Variants in HPSE2 observed in about 807,000 individuals in gnomAD.
HPSE2 encodes heparanase 2 (inactive).
A neutral mutation model predicts 60.5 loss-of-function variants in HPSE2; 38 were observed. The observed-to-expected ratio is 0.63, with a 90% CI of 0.48 to 0.82. HPSE2 has a LOEUF of 0.82. Ranked by LOEUF, HPSE2 falls within the 40% of genes least tolerant of loss-of-function variation. The probability of loss-of-function intolerance (pLI) is 0.00; values close to 1 mark genes in which losing one functional copy is unlikely to be tolerated. For missense variants in HPSE2, 713 were observed against 740.4 expected, an observed-to-expected ratio of 0.96 and a Z score of 0.43; for synonymous variants, 295 against 293.2, an observed-to-expected ratio of 1.01 and a Z score of -0.06.
intron 3 of HPSE2, among the ~76,000 whole-genome samples, chr10:98,966,360 A>G (rs1179114708): frequency 6.6e-6 from 1 of 152,210 alleles, no homozygotes; most frequent in Non-Finnish European, 1.5e-5. Flanking sequence ...AAAAGAGATC[A>G]GGTAGAGAGA....
At chr10:98,875,366 A>G (rs930313235) in intron 3 of HPSE2, among the ~76,000 whole-genome samples, 2 of 152,152 alleles carry the variant, frequency 1.3e-5, no homozygotes, top group African/African-American at 4.8e-5. Flanking sequence ...CTCCACAGAA[A>G]TACAAACTAC....
chr10:98,801,786 C>G (rs1418958936), intron 3 of HPSE2, among the ~76,000 whole-genome samples: 1 of 152,110 alleles, frequency 6.6e-6, no homozygotes, highest in African/African-American at 2.4e-5. Flanking sequence ...TCTACAGATT[C>G]AATGCAATCC....
At chr10:99,266,037 G>A in the HPSE2 span, among the ~76,000 whole-genome samples, 1 of 152,208 alleles carries the variant, frequency 6.6e-6, no homozygotes, top group Non-Finnish European at 1.5e-5. Flanking sequence ...TCTTGGGGAG[G>A]GCTACCAGAG....
chr10:98,971,514 GTAT>G (rs1955952962), intron 3 of HPSE2, among the ~76,000 whole-genome samples: 3 of 152,052 alleles, frequency 2.0e-5, no homozygotes, highest in Admixed American at 6.6e-5. Flanking sequence ...TTATAAATGT[GTAT>G]TATTATCTGA....
chr10:98,564,597 A>G (rs921160118), intron 9 of HPSE2, among the ~76,000 whole-genome samples: 2 of 152,228 alleles, frequency 1.3e-5, no homozygotes, highest in African/African-American at 4.8e-5. Flanking sequence ...TCACAGCACA[A>G]AGCAATTTTT....
At chr10:98,561,125 G>C (rs1196011366) in intron 9 of HPSE2, among the ~76,000 whole-genome samples, 2 of 151,622 alleles carry the variant, frequency 1.3e-5, no homozygotes, top group Non-Finnish European at 2.9e-5. Context: ...AGGGGGACAA[G>C]ATGTGGAGGT....
intron 9 of HPSE2, among the ~76,000 whole-genome samples, chr10:98,490,900 G>A (rs754423136): frequency 1.3e-5 from 2 of 152,252 alleles, no homozygotes; most frequent in Non-Finnish European, 2.9e-5. Flanking sequence ...ACATTTATAT[G>A]AGCTTACAAA....
the HPSE2 span, among the ~76,000 whole-genome samples, chr10:99,296,518 G>A: frequency 9.2e-5 from 14 of 152,364 alleles, no homozygotes; most frequent in African/African-American, 3.4e-4. Context: ...GCCCTGAGCT[G>A]CTACTCTCTT....
At chr10:99,049,985 T>C (rs1020930205) in intron 3 of HPSE2, among the ~76,000 whole-genome samples, 7 of 152,082 alleles carry the variant, frequency 4.6e-5, no homozygotes, top group Admixed American at 6.5e-5. Context: ...CATGAAAATA[T>C]AGAGAACATC....
At chr10:98,696,908 A>T (rs2134178849) in intron 5 of HPSE2, among the ~76,000 whole-genome samples, 1 of 152,290 alleles carries the variant, frequency 6.6e-6, no homozygotes, top group East Asian at 1.9e-4. Flanking sequence ...TAGAACAGGG[A>T]CCTGACCACT....
the HPSE2 span, among the ~76,000 whole-genome samples, chr10:99,243,912 G>A: frequency 6.6e-6 from 1 of 152,000 alleles, no homozygotes; most frequent in Non-Finnish European, 1.5e-5. Context: ...CTCCAGCTTG[G>A]GCAACAGAGA....
intron 5 of HPSE2, among the ~76,000 whole-genome samples, chr10:98,698,903 A>C (rs1203591537): frequency 2.0e-5 from 3 of 152,338 alleles, no homozygotes; most frequent in South Asian, 2.1e-4. Context: ...GAAATGGATA[A>C]ATTCCTCCAC....
chr10:98,704,062 A>T (rs1458881620), intron 5 of HPSE2, among the ~76,000 whole-genome samples: 1 of 152,208 alleles, frequency 6.6e-6, no homozygotes, highest in Admixed American at 6.5e-5. Flanking sequence ...AAACAACTTC[A>T]GCAAAGTCTC....
intron 2 of HPSE2, among the ~76,000 whole-genome samples, chr10:99,156,964 A>G (rs1027428490): frequency 1.1e-3 from 145 of 136,386 alleles, no homozygotes; most frequent in Middle Eastern, 7.2e-3. Flanking sequence ...ATAACAGACA[A>G]ACAGAGAGGC....
chr10:98,736,216 T>TTC (rs978113847), intron 4 of HPSE2, among the ~76,000 whole-genome samples: 2 of 151,306 alleles, frequency 1.3e-5, no homozygotes, highest in East Asian at 3.9e-4. Context: ...TTGCTTGGTT[T>TTC]TTTTTTTTAT....
chr10:98,614,876 G>A (rs1945860621), intron 9 of HPSE2, 28 bp downstream of exon 9: 1 of 1,405,794 alleles, frequency 7.1e-7, no homozygotes, highest in African/African-American at 1.4e-5. Flanking sequence ...CATGGAAAAG[G>A]GATTGGGAAT....
At chr10:99,207,890 TATA>T (rs1431015698) in intron 2 of HPSE2, among the ~76,000 whole-genome samples, 2 of 151,708 alleles carry the variant, frequency 1.3e-5, no homozygotes, top group Non-Finnish European at 2.9e-5. Context: ...ATATAATATA[TATA>T]ATGTTTTCTC....
intron 2 of HPSE2, among the ~76,000 whole-genome samples, chr10:99,195,495 T>C (rs534417901): frequency 2.9e-4 from 44 of 151,894 alleles, no homozygotes; most frequent in Admixed American, 1.0e-3. Flanking sequence ...CTATTAGAAC[T>C]GATAAGTTGA....
intron 3 of HPSE2, among the ~76,000 whole-genome samples, chr10:99,134,458 G>A (rs977595915): frequency 6.6e-6 from 1 of 152,158 alleles, no homozygotes; most frequent in Non-Finnish European, 1.5e-5. Context: ...AAAATGTTAA[G>A]CACAGCCAGA....
Sources: allele counts gnomAD v4.1 joint callset (sites outside exome capture counted in the v4.1 genomes callset), GRCh38; gene constraint gnomAD v4.1.1; transcripts MANE v1.5; gene names NCBI Gene and HGNC (gene_info 2026-07-23, HGNC 2026-07-21).